The following BMPR1B variants were observed in gnomAD, a reference collection of about 807,000 sequenced individuals.
BMPR1B encodes the protein bone morphogenetic protein receptor type 1B.
Under a neutral mutation model 59.1 loss-of-function variants are expected in BMPR1B, and 12 were observed. The observed-to-expected ratio is 0.20, with a 90% confidence interval of 0.13 to 0.33. The LOEUF is 0.33. Among genes scored for constraint, BMPR1B ranks in the 10% least tolerant of loss-of-function variants. The pLI is 1.00. For synonymous variants in BMPR1B, 237 were observed against 207.3 expected, an observed-to-expected ratio of 1.14 and a Z score of -1.23; for missense variants, 550 against 610.9, an observed-to-expected ratio of 0.90 and a Z score of 1.05.
intron 2 of BMPR1B, among the ~76,000 whole-genome samples, chr4:94,967,564 C>G (rs1451661008): frequency 6.6e-6 from 1 of 152,048 alleles, no homozygotes; most frequent in Non-Finnish European, 1.5e-5. Flanking sequence ...CTTACTGCAG[C>G]CTCTACCTCC....
Position 94,977,601 on chromosome 4 carries a change from G to C in BMPR1B, c.-112-18439G>C, listed in dbSNP as rs150906613. On this transcript the variant is annotated intron_variant, in intron 2 of 12. Coordinates refer to ENST00000515059, the MANE Select transcript of BMPR1B (RefSeq NM_001203.3). ...TGGCCAGGCACAGTGGCTCACGCTT[G>C]TAATCCCAGCACTTTGGGAGGCCGA... 3.1e-3 allele frequency among the ~76,000 whole-genome samples: 463 copies of C among 151,702 alleles called. 9 individuals are homozygous for C. The highest frequency in any genetic ancestry group is 2.9e-3 in the East Asian group (15 of 5,114).
chr4:95,109,191 C>T (rs538927985), intron 4 of BMPR1B, among the ~76,000 whole-genome samples: 1 of 152,234 alleles, frequency 6.6e-6, no homozygotes, highest in South Asian at 2.1e-4. Flanking sequence ...ATCTTTAATA[C>T]TTCTTTACTT....
chr4:95,151,791 A>G (rs553648926), intron 11 of BMPR1B, among the ~76,000 whole-genome samples: 2 of 152,338 alleles, frequency 1.3e-5, no homozygotes, highest in Admixed American at 1.3e-4. Flanking sequence ...ATGATTTAGG[A>G]TAGGGAGGAG....
At chr4:94,943,678 T>C (rs1209607499) in intron 2 of BMPR1B, among the ~76,000 whole-genome samples, 1 of 152,218 alleles carries the variant, frequency 6.6e-6, no homozygotes, top group African/African-American at 2.4e-5. Flanking sequence ...TGGAACTTTA[T>C]AGCATTGTTT....
rs368383602 is a variant in BMPR1B at position 94,888,431 on chromosome 4, A to G, written c.-113+12531A>G. ...TGTTGTGTAGGCAATATTCTACTGTAGGCAGATGTTAAAGGACCATATGAT... is the reference window on the plus strand; with the variant it reads ...TGTTGTGTAGGCAATATTCTACTGTGGGCAGATGTTAAAGGACCATATGAT... On this transcript the variant is annotated intron_variant, in intron 2 of 12. Coordinates refer to ENST00000515059, the MANE Select transcript of BMPR1B (RefSeq NM_001203.3). Among the ~76,000 whole-genome samples the G allele has an allele frequency of 2.0e-4, 30 of 152,230 alleles. No homozygotes were observed. In the South Asian group the frequency reaches 4.3e-3, roughly 22 times the overall value.
At chr4:94,811,212 A>G (rs1420580614) in intron 1 of BMPR1B, among the ~76,000 whole-genome samples, 2 of 152,222 alleles carry the variant, frequency 1.3e-5, no homozygotes, top group South Asian at 2.1e-4. Context: ...TTTCTGACCA[A>G]TAGCTGGCTG....
intron 3 of BMPR1B, among the ~76,000 whole-genome samples, chr4:94,999,557 G>A (rs1230528084): frequency 6.6e-6 from 1 of 152,008 alleles, no homozygotes; most frequent in Non-Finnish European, 1.5e-5. Context: ...TTCCAAAAAT[G>A]CTGTTTATGT....
intron 2 of BMPR1B, among the ~76,000 whole-genome samples, chr4:94,964,123 G>C (rs1462615966): frequency 6.6e-6 from 1 of 151,948 alleles, no homozygotes; most frequent in African/African-American, 2.4e-5. Flanking sequence ...TTCTTTTTTA[G>C]ATTGTTAGCT....
At position 94,780,129 on chromosome 4, in the gene BMPR1B, G is replaced by C. The variant is rs1722534830; in HGVS notation, c.-183+22061G>C. ...TGCTAATGTCTCATTTAGGATTCTT[G>C]CATGTGTTCATTAATGAGATTAGCT... On this transcript the variant is annotated intron_variant, in intron 1 of 12. Coordinates refer to ENST00000515059, the MANE Select transcript of BMPR1B (RefSeq NM_001203.3). Among the ~76,000 whole-genome samples the C allele has an allele frequency of 5.9e-5, 9 of 152,132 alleles. No homozygotes were observed. The South Asian group carries it at 1.9e-3, about 32-fold the overall frequency.
At position 94,841,461 on chromosome 4, in the gene BMPR1B, G is replaced by A. The variant is rs182570996; in HGVS notation, c.-182-34370G>A. On this transcript the variant is annotated intron_variant, in intron 1 of 12. Coordinates refer to ENST00000515059, the MANE Select transcript of BMPR1B (RefSeq NM_001203.3). ...CGAGCCAGGTGTGGGATATAATCTC[G>A]TGCTGCGCTGTTTTTTAAGCCGGTC... Among the ~76,000 whole-genome samples the A allele has an allele frequency of 4.3e-3, 660 of 152,292 alleles. 6 individuals carry two copies. Among genetic ancestry groups the A allele is most frequent in the African/African-American group, 0.015 (629 of 41,564 alleles).
At chr4:95,103,943 T>G (rs17023017) in intron 3 of BMPR1B, among the ~76,000 whole-genome samples, 16,353 of 152,124 alleles carry the variant, frequency 0.11, 1,254 homozygotes, top group East Asian at 0.27. Flanking sequence ...AGAGAGACTC[T>G]GTGATATGGT....
chr4:95,077,685 G>A (rs573371129), intron 3 of BMPR1B, among the ~76,000 whole-genome samples: 29 of 152,092 alleles, frequency 1.9e-4, no homozygotes, highest in East Asian at 5.8e-4. Flanking sequence ...CTGGCTTTTC[G>A]TGATTATATA....
intron 3 of BMPR1B, among the ~76,000 whole-genome samples, chr4:95,104,017 A>T (rs1203538837): frequency 1.3e-5 from 2 of 152,100 alleles, no homozygotes; most frequent in Admixed American, 1.3e-4. Flanking sequence ...TCTATCCATT[A>T]TCTGTGTGCA....
At chr4:94,835,168 A>G (rs542301711) in intron 1 of BMPR1B, among the ~76,000 whole-genome samples, 1 of 152,148 alleles carries the variant, frequency 6.6e-6, no homozygotes, top group East Asian at 1.9e-4. Flanking sequence ...TTATCTTTAC[A>G]GCAATTTAAA....
chr4:94,950,144 T>A (rs1216765962), intron 2 of BMPR1B, among the ~76,000 whole-genome samples: 1 of 152,250 alleles, frequency 6.6e-6, no homozygotes, highest in Non-Finnish European at 1.5e-5. Context: ...GTTGTTTTTT[T>A]CTTGTAAATT....
At chr4:95,139,707 C>T (rs868766322) in intron 10 of BMPR1B, among the ~76,000 whole-genome samples, 23 of 151,606 alleles carry the variant, frequency 1.5e-4, no homozygotes, top group African/African-American at 5.6e-4. Context: ...GTGGGACCCT[C>T]CGAGCCGGGC....
At position 95,061,416 on chromosome 4, in the gene BMPR1B, A is replaced by C. The variant is rs528858298; in HGVS notation, c.-17-42992A>C. On this transcript the variant is annotated intron_variant, in intron 3 of 12. Coordinates refer to ENST00000515059, the MANE Select transcript of BMPR1B (RefSeq NM_001203.3). Reference sequence around the variant, plus strand: ...TAATGTACTGTGAACCTTGAAAAGGAATTTCCTTTCAAGTAAGAACGGAAG... The same window carrying C: ...TAATGTACTGTGAACCTTGAAAAGGCATTTCCTTTCAAGTAAGAACGGAAG... 2.0e-5 allele frequency among the ~76,000 whole-genome samples: 3 copies of C among 152,260 alleles called. No homozygotes were observed. The South Asian group carries it at 6.2e-4, about 32-fold the overall frequency.
intron 3 of BMPR1B, among the ~76,000 whole-genome samples, chr4:95,019,076 G>A (rs138150310): frequency 1.3e-5 from 2 of 151,932 alleles, no homozygotes; most frequent in Admixed American, 6.6e-5. Flanking sequence ...TGCAACTGTC[G>A]AATACCGCTT....
chr4:94,788,834 G>A (rs1472065202), intron 1 of BMPR1B, among the ~76,000 whole-genome samples: 1 of 152,078 alleles, frequency 6.6e-6, no homozygotes, highest in Non-Finnish European at 1.5e-5. Flanking sequence ...TCTGCATCAC[G>A]CCTGCCCAAG....
Sources: gnomAD v4.1 joint callset for allele counts (sites outside exome capture counted in the v4.1 genomes callset) on GRCh38, gnomAD v4.1.1 for gene constraint, MANE v1.5 for transcripts, NCBI Gene and HGNC (gene_info 2026-07-23, HGNC 2026-07-21) for gene names.